The following ST6GALNAC5 variants were observed in gnomAD, a reference collection of about 807,000 sequenced individuals.
The protein encoded by ST6GALNAC5 is alpha-N-acetylgalactosaminide alpha-2,6-sialyltransferase 5.
A neutral mutation model predicts 33.6 loss-of-function variants in ST6GALNAC5; 27 were observed. The observed-to-expected ratio is 0.80, with a 90% CI of 0.59 to 1.11. The LOEUF is 1.11. Ranked by LOEUF, ST6GALNAC5 falls within the 50% of genes least tolerant of loss-of-function variation. The probability of loss-of-function intolerance (pLI) is 0.00; values close to 1 mark genes in which losing one functional copy is unlikely to be tolerated. For synonymous variants in ST6GALNAC5, 194 were observed against 171.2 expected (o/e 1.13, Z -1.04); for missense variants, 428 against 454.0 (o/e 0.94, Z 0.52).
chr1:76,925,530 C>G (rs886415131), intron 2 of ST6GALNAC5, among the ~76,000 whole-genome samples: 1 of 152,054 alleles, frequency 6.6e-6, no homozygotes, highest in African/African-American at 2.4e-5. Flanking sequence ...GACAGAGGCT[C>G]TCATGGAAAT....
rs115704926 is a variant in ST6GALNAC5 at position 76,991,030 on chromosome 1, C to T, written c.262-53174C>T. On this transcript the variant is annotated intron_variant, in intron 2 of 4. Transcript: ENST00000477717. ...AGGGAAGTAGGGAAAAGAATCTCAC[C>T]CTCTCTGTGTCACCTTCTCAGCTCC... Among the ~76,000 whole-genome samples, 891 of 152,182 alleles carry T rather than the reference C, an allele frequency of 5.9e-3. 9 individuals carry two copies. The highest frequency in any genetic ancestry group is 0.021 in the African/African-American group (862 of 41,524).
chr1:77,063,241 C>T lies in ST6GALNAC5; in HGVS notation c.*35C>T, dbSNP rs371723576. 56 of 1,587,566 alleles carry T rather than the reference C, an allele frequency of 3.5e-5. No individual in the cohort carries two copies. The highest frequency in any genetic ancestry group is 2.6e-6 in the Non-Finnish European group (3 of 1,157,632). ...ATGCCAGACTGTAATCCCAGGTATT[C>T]ACTGCATCAGACACCGAGACACTGA... is the stretch of plus-strand genomic sequence containing the variant. On this transcript the variant is annotated 3_prime_UTR_variant, in exon 5 of 5. Transcript: ENST00000477717.
chr1:76,999,536 T>A (rs1449764186), intron 2 of ST6GALNAC5, among the ~76,000 whole-genome samples: 2 of 151,280 alleles, frequency 1.3e-5, no homozygotes, highest in Admixed American at 6.6e-5. Flanking sequence ...CATGTGCACA[T>A]TGTGCAGGTT....
chr1:77,046,239 A>G (rs559582340), intron 3 of ST6GALNAC5, among the ~76,000 whole-genome samples: 2 of 152,312 alleles, frequency 1.3e-5, no homozygotes, highest in Middle Eastern at 3.4e-3. Flanking sequence ...ACATAGCAAG[A>G]CCCCATCTCA....
chr1:76,972,077 G>A (rs1489319572), intron 2 of ST6GALNAC5, among the ~76,000 whole-genome samples: 5 of 152,204 alleles, frequency 3.3e-5, no homozygotes, highest in East Asian at 1.9e-4. Context: ...ATAAATACCC[G>A]AGACTGGGTA....
intron 2 of ST6GALNAC5, among the ~76,000 whole-genome samples, chr1:76,949,895 G>C (rs930145315): frequency 6.6e-6 from 1 of 152,140 alleles, no homozygotes; most frequent in Non-Finnish European, 1.5e-5. Flanking sequence ...CTTTGCACCT[G>C]TCGCTGAGCT....
At chr1:76,906,056 G>T (rs17099690) in intron 2 of ST6GALNAC5, among the ~76,000 whole-genome samples, 5,723 of 152,128 alleles carry the variant, frequency 0.038, 244 homozygotes, top group African/African-American at 0.11. Context: ...GCATCATTTC[G>T]GAGGAAGAAA....
At chr1:77,043,448 G>A (rs1651899257) in intron 2 of ST6GALNAC5, among the ~76,000 whole-genome samples, 1 of 152,188 alleles carries the variant, frequency 6.6e-6, no homozygotes, top group Non-Finnish European at 1.5e-5. Flanking sequence ...AAGGACCTAG[G>A]CCCTGCAATT....
chr1:76,868,836 G>A lies in ST6GALNAC5; in HGVS notation c.261+94G>A. 7.7e-6 allele frequency: 11 copies of A among 1,425,640 alleles called. No homozygotes were observed. Among genetic ancestry groups the A allele is most frequent in the East Asian group, 2.6e-5 (1 of 38,154 alleles). 88.3% of individuals were successfully genotyped at this position (1,425,640 alleles called of 1,614,324 possible). On this transcript the variant is annotated intron_variant, in intron 2 of 4. Coordinates refer to ENST00000477717, the MANE Select transcript of ST6GALNAC5 (RefSeq NM_030965.3). This position sits in a 1 kb window ranked among gnomAD's most constrained non-coding sequence, Gnocchi z 4.3. Reference sequence around the variant, plus strand: ...TTCCCGGGGCTGGGAGGCGCTGTGAGTAGGTGCCGTTCGAAGGCTGGAGGG... The same window carrying A: ...TTCCCGGGGCTGGGAGGCGCTGTGAATAGGTGCCGTTCGAAGGCTGGAGGG...
chr1:77,058,112 C>T (rs137928140), intron 4 of ST6GALNAC5, among the ~76,000 whole-genome samples: 1 of 152,184 alleles, frequency 6.6e-6, no homozygotes, highest in Non-Finnish European at 1.5e-5. Flanking sequence ...AGAAACCCCA[C>T]CTGGGGGAAA....
At chr1:76,939,752 GTGTGCCAGGCAC>G (rs1472268934) in intron 2 of ST6GALNAC5, among the ~76,000 whole-genome samples, 3 of 152,020 alleles carry the variant, frequency 2.0e-5, no homozygotes, top group South Asian at 2.1e-4. Context: ...ATCACCTGCC[GTGTGCCAGGCAC>G]TGTGCTAGGC....
chr1:76,955,878 T>C (rs914982280), intron 2 of ST6GALNAC5, among the ~76,000 whole-genome samples: 1 of 152,196 alleles, frequency 6.6e-6, no homozygotes, highest in Non-Finnish European at 1.5e-5. Flanking sequence ...AGGGGTTATA[T>C]AGGAATCTGA....
intron 2 of ST6GALNAC5, among the ~76,000 whole-genome samples, chr1:76,977,901 T>A (rs1167982428): frequency 6.6e-6 from 1 of 152,194 alleles, no homozygotes; most frequent in Non-Finnish European, 1.5e-5. Flanking sequence ...AACTTCTGCA[T>A]CCTTTTCCAT....
At chr1:76,951,076 C>T (rs1647723445) in intron 2 of ST6GALNAC5, among the ~76,000 whole-genome samples, 1 of 152,090 alleles carries the variant, frequency 6.6e-6, no homozygotes, top group African/African-American at 2.4e-5. Flanking sequence ...TTAAGAGTCT[C>T]TTTGTGAGGG....
At position 77,033,611 on chromosome 1, in the gene ST6GALNAC5, G is replaced by A. The variant is rs534383164; in HGVS notation, c.262-10593G>A. The stretch of plus-strand genomic sequence containing the variant: ...TAGTCGTGTTATGTGGGGTAACATC[G>A]TTGTTATAGAATAAGTGGGGGAGGC... On this transcript the variant is annotated intron_variant, in intron 2 of 4. Transcript: ENST00000477717. 2.2e-4 allele frequency among the ~76,000 whole-genome samples: 34 copies of A among 152,174 alleles called. No homozygotes were observed. In the South Asian group the frequency reaches 2.3e-3, roughly 10 times the overall value.
chr1:76,979,526 G>A (rs549668424), intron 2 of ST6GALNAC5, among the ~76,000 whole-genome samples: 2 of 152,272 alleles, frequency 1.3e-5, no homozygotes, highest in South Asian at 2.1e-4. Flanking sequence ...TACATTGGGG[G>A]AAAGAGCAGC....
At chr1:76,893,022 G>A (rs1346672705) in intron 2 of ST6GALNAC5, among the ~76,000 whole-genome samples, 1 of 152,090 alleles carries the variant, frequency 6.6e-6, no homozygotes, top group Admixed American at 6.5e-5. Context: ...AGACTGTGAG[G>A]TTCCTAGACA....
intron 2 of ST6GALNAC5, among the ~76,000 whole-genome samples, chr1:76,949,305 G>A (rs991809920): frequency 9.2e-5 from 14 of 152,162 alleles, no homozygotes; most frequent in Non-Finnish European, 1.8e-4. Flanking sequence ...ACTTACTGGG[G>A]TTGAGGAGAA....
chr1:77,005,384 C>T (rs1365344513), intron 2 of ST6GALNAC5, among the ~76,000 whole-genome samples: 1 of 152,214 alleles, frequency 6.6e-6, no homozygotes, highest in Non-Finnish European at 1.5e-5. Context: ...CCTGCACCCA[C>T]TGTCTGGCAC....
Sources: allele counts gnomAD v4.1 joint callset (sites outside exome capture counted in the v4.1 genomes callset), GRCh38; gene constraint gnomAD v4.1.1; non-coding constraint Gnocchi (gnomAD v3.1); transcripts MANE v1.5; gene names NCBI Gene and HGNC (gene_info 2026-07-23, HGNC 2026-07-21).